Variants in AJUBA observed in about 807,000 individuals in gnomAD.
AJUBA encodes ajuba LIM protein.
In AJUBA, 20 loss-of-function variants were observed where a neutral mutation model predicts 53.3. The observed-to-expected ratio is 0.38, with a 90% CI of 0.26 to 0.55. AJUBA has a LOEUF of 0.55. AJUBA is among the 20% of genes least tolerant of loss of function. The pLI, the probability that AJUBA is intolerant of heterozygous loss-of-function variation, is 0.80. For missense variants in AJUBA, 580 were observed against 730.5 expected (o/e 0.79, Z 2.38); for synonymous variants, 296 against 306.2 (o/e 0.97, Z 0.35).
rs1488055032 is a variant in AJUBA, at chr14:22,971,886, A to G, written c.*1557T>C. On this transcript the variant is annotated 3_prime_UTR_variant, in exon 8 of 8. Transcript: ENST00000262713. ...AAAGTTTTTGAATGGTAGATAACAT[A>G]GAAAAAGACATCCATAAAGGTAGGA... 6.6e-6 allele frequency: 1 copy of G among 152,624 alleles called. No individual in the cohort carries two copies. Among genetic ancestry groups the G allele is most frequent in the Non-Finnish European group, 1.5e-5 (1 of 68,022 alleles). 9.5% of individuals were successfully genotyped at this position (152,624 alleles called of 1,614,324 possible).
chr14:22,978,012 G>C (rs1014805707), intron 2 of AJUBA, among the ~76,000 whole-genome samples: 1 of 149,108 alleles, frequency 6.7e-6, no homozygotes, highest in Admixed American at 6.7e-5. Context: ...CAGGCAACTT[G>C]GCTGCCCAAG....
At chr14:22,978,509 C>T in intron 1 of AJUBA, 64 bp from the exon 2 acceptor site, 1 of 1,574,382 alleles carries the variant, frequency 6.4e-7, no homozygotes, top group Middle Eastern at 1.7e-4. Flanking sequence ...CCAAGCTTTC[C>T]TGACTGCCCT....
intron 1 of AJUBA, among the ~76,000 whole-genome samples, chr14:22,980,146 T>G (rs1466652297): frequency 1.3e-5 from 2 of 151,912 alleles, no homozygotes; most frequent in Non-Finnish European, 2.9e-5. Context: ...GGTCCAGGAG[T>G]GGGGCATGAG....
rs553620241 is a variant in AJUBA, at chr14:22,982,052, G to A, written c.215C>T (p.Ala72Val). 71 of 1,593,012 alleles carry A rather than the reference G, an allele frequency of 4.5e-5. 2 individuals carry two copies. In the South Asian group the frequency reaches 8.0e-4, roughly 18 times the overall value. ...EPAREQGSLD[A>V]ERNQRGSFEA... Reference sequence around the variant, plus strand: ...AAAGGAGCCGCGCTGATTTCGCTCAGCGTCCAGGGAACCTTGCTCCCGGGC... The same window carrying A: ...AAAGGAGCCGCGCTGATTTCGCTCAACGTCCAGGGAACCTTGCTCCCGGGC... The change falls in exon 1 of 8, where the codon GCT becomes GTT. Residue 72 changes from alanine to valine, a missense_variant. Physicochemically the swap from Ala to Val is moderately conservative, Grantham distance 64. Transcript: ENST00000262713.
Position 22,975,014 on chromosome 14 carries a change from C to A in AJUBA, c.1330G>T (p.Asp444Tyr). 6.2e-7 allele frequency: 1 copy of A among 1,614,204 alleles called. No homozygotes were observed. The highest frequency in any genetic ancestry group is 8.5e-7 in the Non-Finnish European group (1 of 1,180,040). ...KCLDGIPFTV[D>Y]FSNQVYCVTD... ...ACACAGTATACTTGGTTGGAGAAGT[C>A]CACTGTGAAGGGGATGCCATCCAGG... Residue 444 changes from aspartate (D) to tyrosine (Y), a missense_variant, in exon 5 of 8, where the codon GAC becomes TAC. Physicochemically the swap from Asp to Tyr is radical, Grantham distance 160. Transcript: ENST00000262713.
chr14:22,974,011 A>C, intron 7 of AJUBA, 36 bp downstream of exon 7: 1 of 1,613,034 alleles, frequency 6.2e-7, no homozygotes. Context: ...CCCCATTTCC[A>C]CTTCTTCTCC....
intron 7 of AJUBA, 150 bp downstream of exon 7, chr14:22,973,897 A>G: frequency 2.1e-6 from 2 of 952,432 alleles, no homozygotes. Flanking sequence ...TGGCTGGAGG[A>G]CAAAAAAGAG....
intron 1 of AJUBA, among the ~76,000 whole-genome samples, chr14:22,980,153 T>C (rs904810595): frequency 6.6e-6 from 1 of 152,190 alleles, no homozygotes; most frequent in Non-Finnish European, 1.5e-5. Context: ...GAGTGGGGCA[T>C]GAGTGGTAAG....
Position 22,981,540 on chromosome 14 carries a change from C to G in AJUBA, c.727G>C (p.Gly243Arg). The change falls in exon 1 of 8, where the codon GGG becomes CGG. Residue 243 changes from glycine to arginine, a missense_variant. Transcript: ENST00000262713. ...PALGSPGALA[G>R]AGVGAAGPLE... Reference sequence around the variant, plus strand: ...GGCCCCGCCGCTCCCACTCCGGCCCCGGCTAGAGCTCCAGGGCTGCCCAGG... The same window carrying G: ...GGCCCCGCCGCTCCCACTCCGGCCCGGGCTAGAGCTCCAGGGCTGCCCAGG... 6.3e-7 allele frequency: 1 copy of G among 1,589,514 alleles called. No individual in the cohort carries two copies. Among genetic ancestry groups the G allele is most frequent in the Non-Finnish European group, 8.5e-7 (1 of 1,171,832 alleles).
intron 2 of AJUBA, chr14:22,977,537 A>C (rs1449875988): frequency 6.6e-6 from 1 of 152,334 alleles, no homozygotes; most frequent in Non-Finnish European, 1.5e-5. Flanking sequence ...GCTGACTTAG[A>C]AGCTCATGAG....
At position 22,981,511 on chromosome 14, in the gene AJUBA, C is replaced by A. The variant is rs1197392093; in HGVS notation, c.756G>T (p.Leu252Phe). ...GTCCGGGTTGCGCCCCCCGTCTCTC[C>A]AAGGGCCCCGCCGCTCCCACTCCGG... ...AGAGVGAAGP[L>F]ERRGAQPGRH... Residue 252 changes from leucine to phenylalanine, a missense_variant, in exon 1 of 8, where the codon TTG becomes TTT. Coordinates refer to ENST00000262713, the MANE Select transcript of AJUBA (RefSeq NM_032876.6). 6.3e-7 allele frequency: 1 copy of A among 1,582,378 alleles called. No homozygotes were observed.
Position 22,981,990 on chromosome 14 carries a change from G to T in AJUBA, c.277C>A (p.Pro93Thr). ...PRYEGSFPAG[P>T]PPTRALPLPQ... The stretch of plus-strand genomic sequence containing the variant: ...AGAGGCAAGGCCCGGGTGGGCGGCG[G>T]CCCCGCGGGAAAAGAGCCTTCGTAG... The change falls in exon 1 of 8, where the codon CCG becomes ACG. Residue 93 changes from proline to threonine, a missense_variant. Physicochemically the swap from Pro to Thr is conservative, Grantham distance 38. Around this residue, in one of 2 missense-constraint regions of AJUBA, gnomAD observed 430 missense variants for 471.5 expected, o/e 0.91. Coordinates refer to ENST00000262713, the MANE Select transcript of AJUBA (RefSeq NM_032876.6). The T allele has an allele frequency of 6.3e-7, 1 of 1,578,960 alleles. No individual in the cohort carries two copies. Among genetic ancestry groups the T allele is most frequent in the Non-Finnish European group, 8.6e-7 (1 of 1,168,274 alleles).
At chr14:22,980,515 T>TA (rs2045076799) in intron 1 of AJUBA, 4 of 806,254 alleles carry the variant, frequency 5.0e-6, no homozygotes, top group Non-Finnish European at 6.0e-6. Context: ...GGTGTCCCAG[T>TA]AGTCATGACT....
Position 22,981,504 on chromosome 14 carries a change from G to C in AJUBA, c.763C>G (p.Arg255Gly), listed in dbSNP as rs1462042523. Residue 255 changes from arginine to glycine, a missense_variant, in exon 1 of 8, where the codon CGG (arginine) becomes GGG (glycine). This residue lies in a region of AJUBA where 430 missense variants were observed against 471.5 expected (regional missense o/e 0.91). Transcript: ENST00000262713. ...GVGAAGPLER[R>G]GAQPGRHSVT... is the part of the protein sequence containing the mutation. Reference sequence around the variant, plus strand: ...GAGTGTCGTCCGGGTTGCGCCCCCCGTCTCTCCAAGGGCCCCGCCGCTCCC... The same window carrying C: ...GAGTGTCGTCCGGGTTGCGCCCCCCCTCTCTCCAAGGGCCCCGCCGCTCCC... 1 of 1,589,190 alleles carries C rather than the reference G, an allele frequency of 6.3e-7. No homozygotes were observed. The highest frequency in any genetic ancestry group is 8.5e-7 in the Non-Finnish European group (1 of 1,170,344).
At chr14:22,978,967 T>C (rs1234036656) in intron 1 of AJUBA, 1 of 1,289,008 alleles carries the variant, frequency 7.8e-7, no homozygotes, top group East Asian at 5.5e-5. Context: ...ACTGCAGACT[T>C]CCAAGGATGG....
Position 22,982,088 on chromosome 14 carries a change from G to A in AJUBA, c.179C>T (p.Pro60Leu), listed in dbSNP as rs2045106678. The change falls in exon 1 of 8, where the codon CCG (proline) becomes CTG (leucine). Residue 60 changes from proline to leucine, a missense_variant. Coordinates refer to ENST00000262713, the MANE Select transcript of AJUBA (RefSeq NM_032876.6). ...ACCTTGCTCCCGGGCCGGCTCCAAC[G>A]GCTCATCCCCAGGTCCCCCAGTAGC... ...RGATGGPGDE[P>L]LEPAREQGSL... 2 of 1,592,770 alleles carry A rather than the reference G, an allele frequency of 1.3e-6. No homozygotes were observed. The highest frequency in any genetic ancestry group is 1.7e-6 in the Non-Finnish European group (2 of 1,172,320).
chr14:22,979,084 G>A lies in AJUBA; in HGVS notation c.1007-639C>T. The A allele has an allele frequency of 7.8e-7, 1 of 1,285,990 alleles. No homozygotes were observed. Among genetic ancestry groups the A allele is most frequent in the Non-Finnish European group, 1.0e-6 (1 of 987,404 alleles). 79.7% of individuals were successfully genotyped at this position (1,285,990 alleles called of 1,614,324 possible). A position where few individuals can be genotyped will look rare whatever the true frequency, so the allele number is the denominator to read the frequency against. The stretch of plus-strand genomic sequence containing the variant: ...AATGCAGGGTGTGTTCCAGGAACCA[G>A]GGTTGAACAGGAAAGCAGGGAGAGT... On this transcript the variant is annotated intron_variant, in intron 1 of 7. Transcript: ENST00000262713. The surrounding 1 kb of genome is among the most constrained non-coding windows in gnomAD (Gnocchi z 4.0).
At chr14:22,976,032 G>A (rs544380753) in intron 4 of AJUBA, among the ~76,000 whole-genome samples, 5 of 151,422 alleles carry the variant, frequency 3.3e-5, no homozygotes, top group Middle Eastern at 3.4e-3. Flanking sequence ...GCATGGTGGC[G>A]CATGCCTGTA....
At position 22,973,212 on chromosome 14, in the gene AJUBA, A is replaced by T. The variant is rs1320226827; in HGVS notation, c.*231T>A. 3.4e-6 allele frequency: 2 copies of T among 585,830 alleles called. No homozygotes were observed. The highest frequency in any genetic ancestry group is 6.2e-5 in the East Asian group (2 of 32,428). The allele number at this position is 585,830 out of a possible 1,614,324, so 36.3% of individuals were successfully genotyped here. A position where few individuals can be genotyped will look rare whatever the true frequency, so the allele number is the denominator to read the frequency against. On this transcript the variant is annotated 3_prime_UTR_variant, in exon 8 of 8. Coordinates refer to ENST00000262713, the MANE Select transcript of AJUBA (RefSeq NM_032876.6). ...CCCTCCTGTGTGTGCCTAAGCTCAG[A>T]CTGCACACATGGGAAAAAGGCCAGT...
Sources: allele counts gnomAD v4.1 joint callset (sites outside exome capture counted in the v4.1 genomes callset), GRCh38; gene constraint gnomAD v4.1.1; regional missense constraint gnomAD v4.1.1; non-coding constraint Gnocchi (gnomAD v3.1); transcripts MANE v1.5; gene names NCBI Gene and HGNC (gene_info 2026-07-23, HGNC 2026-07-21).